The following NT5DC1 variants were observed in gnomAD, a reference collection of about 807,000 sequenced individuals.
The protein encoded by NT5DC1 is 5'-nucleotidase domain containing 1, also known as 5'-nucleotidase domain-containing protein 1.
In NT5DC1, 42 loss-of-function variants were observed where a neutral mutation model predicts 59.4. The ratio of observed to expected loss-of-function variants is 0.71; its 90% CI spans 0.55 to 0.92. The LOEUF is 0.92. Among genes scored for constraint, NT5DC1 ranks in the 40% least tolerant of loss-of-function variants. The probability of loss-of-function intolerance (pLI) is 0.00; values close to 1 mark genes in which losing one functional copy is unlikely to be tolerated. For synonymous variants in NT5DC1, 172 were observed against 188.1 expected (o/e 0.91, Z 0.70); for missense variants, 501 against 537.1 (o/e 0.93, Z 0.66).
intron 6 of NT5DC1, among the ~76,000 whole-genome samples, chr6:116,182,222 A>AGAGTGTGTGTGTGT (rs148509481): frequency 9.7e-4 from 121 of 124,682 alleles, no homozygotes; most frequent in South Asian, 4.8e-3. Context: ...TTCCATGGAG[A>AGAGTGTGTGTGTGT]GTGTGTGTGT....
At chr6:116,150,242 A>T (rs1276584370) in intron 6 of NT5DC1, among the ~76,000 whole-genome samples, 1 of 152,118 alleles carries the variant, frequency 6.6e-6, no homozygotes, top group Non-Finnish European at 1.5e-5. Flanking sequence ...GCCCATGGCC[A>T]CTGACAGATC....
At chr6:116,140,489 G>A (rs190768970) in intron 6 of NT5DC1, among the ~76,000 whole-genome samples, 178 of 152,116 alleles carry the variant, frequency 1.2e-3, no homozygotes, top group Non-Finnish European at 5.6e-4. Context: ...TATGCTAAAG[G>A]TGAGGGATAT....
At chr6:116,184,683 A>C (rs1391914255) in intron 6 of NT5DC1, among the ~76,000 whole-genome samples, 1 of 152,076 alleles carries the variant, frequency 6.6e-6, no homozygotes, top group Non-Finnish European at 1.5e-5. Context: ...AGAGGTGTTC[A>C]TAGTAGCCTT....
At chr6:116,119,937 T>G in intron 6 of NT5DC1, 1 of 842,890 alleles carries the variant, frequency 1.2e-6, no homozygotes, top group Non-Finnish European at 1.9e-6. Context: ...GGTTTGTTGG[T>G]CTGATAGCTC....
intron 8 of NT5DC1, among the ~76,000 whole-genome samples, chr6:116,231,383 T>C (rs1254198796): frequency 6.6e-6 from 1 of 152,124 alleles, no homozygotes; most frequent in Non-Finnish European, 1.5e-5. Flanking sequence ...AACTGTTTGG[T>C]CAAATTTACA....
intron 6 of NT5DC1, among the ~76,000 whole-genome samples, chr6:116,150,571 C>T (rs1421556557): frequency 6.6e-6 from 1 of 152,198 alleles, no homozygotes; most frequent in East Asian, 1.9e-4. Flanking sequence ...AGGCGTGAGT[C>T]ACTGCACCTG....
intron 6 of NT5DC1, among the ~76,000 whole-genome samples, chr6:116,159,602 GCACACACAA>G: frequency 6.6e-6 from 1 of 152,312 alleles, no homozygotes; most frequent in Middle Eastern, 3.4e-3. Flanking sequence ...GCTCCCTGCA[GCACACACAA>G]CACTGCTGTC....
chr6:116,127,479 A>C (rs1779349685), intron 6 of NT5DC1, among the ~76,000 whole-genome samples: 1 of 152,134 alleles, frequency 6.6e-6, no homozygotes, highest in African/African-American at 2.4e-5. Flanking sequence ...AGAATAACAA[A>C]ATAGGAAAGT....
chr6:116,171,408 T>G (rs1038444131), intron 6 of NT5DC1, among the ~76,000 whole-genome samples: 2 of 152,132 alleles, frequency 1.3e-5, no homozygotes, highest in African/African-American at 4.8e-5. Flanking sequence ...TGTCAGAAAT[T>G]TGGAATATAC....
chr6:116,118,093 A>AGAAGTAGTCAGAAGTCC, intron 6 of NT5DC1, 148 bp downstream of exon 6: 1 of 671,922 alleles, frequency 1.5e-6, no homozygotes, highest in Non-Finnish European at 2.7e-6. Flanking sequence ...TTCTGACTAC[A>AGAAGTAGTCAGAAGTCC]TTTTCAGAAG....
chr6:116,177,052 G>A (rs1780749921), intron 6 of NT5DC1, among the ~76,000 whole-genome samples: 1 of 152,154 alleles, frequency 6.6e-6, no homozygotes, highest in South Asian at 2.1e-4. Context: ...ACTAAAATCT[G>A]AAGTTTTGAT....
At chr6:116,112,473 G>A (rs1778897645) in intron 4 of NT5DC1, among the ~76,000 whole-genome samples, 1 of 152,118 alleles carries the variant, frequency 6.6e-6, no homozygotes, top group African/African-American at 2.4e-5. Flanking sequence ...AAGAGTAATT[G>A]TCTTCAACTC....
chr6:116,156,020 T>C (rs1780184227), intron 6 of NT5DC1, among the ~76,000 whole-genome samples: 2 of 152,196 alleles, frequency 1.3e-5, no homozygotes, highest in African/African-American at 4.8e-5. Flanking sequence ...GAGTAGCTTT[T>C]ATCTCCTGTA....
chr6:116,218,553 G>A (rs184780636), intron 6 of NT5DC1, among the ~76,000 whole-genome samples: 40 of 152,020 alleles, frequency 2.6e-4, no homozygotes, highest in Non-Finnish European at 5.3e-4. Context: ...TCTATTCTTA[G>A]CCATTTAGAT....
intron 6 of NT5DC1, among the ~76,000 whole-genome samples, chr6:116,163,301 T>C (rs1780387214): frequency 1.3e-5 from 2 of 151,224 alleles, no homozygotes; most frequent in African/African-American, 4.8e-5. Flanking sequence ...TTTTATAATT[T>C]GTTGTTATTG....
intron 6 of NT5DC1, among the ~76,000 whole-genome samples, chr6:116,178,088 T>TGTGTGTGTGTGTGTGC (rs1491426656): frequency 1.0e-5 from 1 of 99,624 alleles, no homozygotes; most frequent in African/African-American, 4.7e-5. Context: ...TGTGTGTGTG[T>TGTGTGTGTGTGTGTGC]GCGCGCGCGC....
intron 6 of NT5DC1, among the ~76,000 whole-genome samples, chr6:116,192,775 A>T (rs1781147052): frequency 6.6e-6 from 1 of 151,926 alleles, no homozygotes; most frequent in African/African-American, 2.4e-5. Flanking sequence ...CTGTGTGCAC[A>T]TTTCCTCTAT....
At chr6:116,184,928 G>A (rs755633076) in intron 6 of NT5DC1, among the ~76,000 whole-genome samples, 11 of 151,822 alleles carry the variant, frequency 7.2e-5, no homozygotes, top group Non-Finnish European at 1.2e-4. Context: ...TTTGGGTTTG[G>A]TTTGTTCTTA....
intron 6 of NT5DC1, among the ~76,000 whole-genome samples, chr6:116,186,559 G>A (rs1378082974): frequency 6.6e-6 from 1 of 151,812 alleles, no homozygotes; most frequent in Admixed American, 6.6e-5. Context: ...CTTATTGGAG[G>A]CTTTGTTCAT....
Sources: gnomAD v4.1 joint callset for allele counts (sites outside exome capture counted in the v4.1 genomes callset) on GRCh38, gnomAD v4.1.1 for gene constraint, MANE v1.5 for transcripts, NCBI Gene and HGNC (gene_info 2026-07-23, HGNC 2026-07-21) for gene names.